The following C9orf40 variants were observed in gnomAD, a reference collection of about 807,000 sequenced individuals.
C9orf40 encodes the protein uncharacterized protein C9orf40.
Under a neutral mutation model 7.9 loss-of-function variants are expected in C9orf40, and 2 were observed. The ratio of observed to expected loss-of-function variants is 0.25; its 90% CI spans 0.10 to 0.80. The LOEUF (loss-of-function observed/expected upper bound fraction) is 0.80. Ranked by LOEUF, C9orf40 falls within the 30% of genes least tolerant of loss-of-function variation. C9orf40 has a pLI of 0.68. For synonymous variants in C9orf40, 113 were observed against 117.6 expected (o/e 0.96, Z 0.25); for missense variants, 256 against 268.5 (o/e 0.95, Z 0.33).
chr9:74,952,777 C>CTG lies in C9orf40; in HGVS notation c.-167_-166insCA. ...TAGGGCGGGGCAGCTCGCGCAGGGC[C>CTG]TAGGGCTGGGGCTCCGGCTCGGAGG... On this transcript the variant is annotated 5_prime_UTR_variant, in exon 1 of 2. Transcript: ENST00000376854. The surrounding 1 kb of genome is among the most constrained non-coding windows in gnomAD (Gnocchi z 5.4). 1 of 584,016 alleles carries CTG rather than the reference C, an allele frequency of 1.7e-6. No individual in the cohort carries two copies. The highest frequency in any genetic ancestry group is 2.8e-6 in the Non-Finnish European group (1 of 351,156). The allele number at this position is 584,016 out of a possible 1,614,324, so 36.2% of individuals were successfully genotyped here.
At position 74,952,498 on chromosome 9, in the gene C9orf40, G is replaced by T; in HGVS notation, c.114C>A (p.Pro38=). 6.3e-7 allele frequency: 1 copy of T among 1,594,664 alleles called. No homozygotes were observed. The highest frequency in any genetic ancestry group is 1.3e-5 in the African/African-American group (1 of 74,430). ...GGAGCTGCCCAGCATGCGCGACCCCGGGCGGCCGGATCCAGAGAGGCGGTG... is the reference window on the plus strand; with the variant it reads ...GGAGCTGCCCAGCATGCGCGACCCCTGGCGGCCGGATCCAGAGAGGCGGTG... ...PPPPPLWIRP[P]GVAHAGQLLG... The change falls in exon 1 of 2, where the codon CCC becomes CCA. Residue 38 remains proline (P), a synonymous_variant. Coordinates refer to ENST00000376854, the MANE Select transcript of C9orf40 (RefSeq NM_017998.3). The surrounding 1 kb of genome is among the most constrained non-coding windows in gnomAD (Gnocchi z 5.4).
In C9orf40 at chr9:74,952,215, G is replaced by C. The variant is rs1587636432; in HGVS notation, c.397C>G (p.Arg133Gly). The stretch of plus-strand genomic sequence containing the variant: ...CGCGATGCGACCCCCCAGTCTCCCC[G>C]CGGGGGTCCTGCGCGCCCCGCCCCG... ...DDGAGRAGPP[R>G]GDWGVASRQH... The change falls in exon 1 of 2, where the codon CGG (arginine) becomes GGG (glycine). Residue 133 changes from arginine to glycine, a missense_variant. By Grantham distance (125) the Arg-to-Gly change is moderately radical. Coordinates refer to ENST00000376854, the MANE Select transcript of C9orf40 (RefSeq NM_017998.3). The surrounding 1 kb of genome is among the most constrained non-coding windows in gnomAD (Gnocchi z 5.4). The C allele has an allele frequency of 1.5e-6, 1 of 657,626 alleles. No individual in the cohort carries two copies. Among genetic ancestry groups the C allele is most frequent in the Non-Finnish European group, 1.7e-6 (1 of 575,054 alleles). 40.7% of individuals were successfully genotyped at this position (657,626 alleles called of 1,614,324 possible). A position where few individuals can be genotyped will look rare whatever the true frequency, so the allele number is the denominator to read the frequency against.
intron 1 of C9orf40, among the ~76,000 whole-genome samples, chr9:74,949,076 C>T (rs996731088): frequency 1.3e-5 from 2 of 152,190 alleles, no homozygotes; most frequent in African/African-American, 4.8e-5. Flanking sequence ...AACTCCACCG[C>T]CCACTAACTC....
At chr9:74,949,050 C>G (rs1832272570) in intron 1 of C9orf40, among the ~76,000 whole-genome samples, 1 of 152,114 alleles carries the variant, frequency 6.6e-6, no homozygotes, top group African/African-American at 2.4e-5. Context: ...ACCAGACAGA[C>G]CTGGGTTTGC....
chr9:74,951,296 TTTTC>T (rs1348214295), intron 1 of C9orf40, among the ~76,000 whole-genome samples: 4 of 149,304 alleles, frequency 2.7e-5, no homozygotes, highest in African/African-American at 9.7e-5. Flanking sequence ...CTTTCTTTTC[TTTTC>T]TTTTTTTTTG....
chr9:74,947,987 C>T lies in C9orf40; in HGVS notation c.*61G>A, dbSNP rs140264373. 5.5e-3 allele frequency: 8,133 copies of T among 1,469,672 alleles called. 32 individuals are homozygous for T. Among genetic ancestry groups the T allele is most frequent in the Non-Finnish European group, 7.0e-3 (7,570 of 1,077,276 alleles). The allele number at this position is 1,469,672 out of a possible 1,614,324, so 91.0% of individuals were successfully genotyped here. A position where few individuals can be genotyped will look rare whatever the true frequency, so the allele number is the denominator to read the frequency against. ...GAAAATAACTTTTCCCTTAAGAATA[C>T]GAGAATTCACTTAGAGACATCTCCT... On this transcript the variant is annotated 3_prime_UTR_variant, in exon 2 of 2. Transcript: ENST00000376854.
intron 1 of C9orf40, among the ~76,000 whole-genome samples, chr9:74,951,619 C>A (rs1483665888): frequency 6.6e-6 from 1 of 152,176 alleles, no homozygotes; most frequent in Non-Finnish European, 1.5e-5. Flanking sequence ...GATACTTTTG[C>A]CTAGGATCAG....
At chr9:74,950,136 G>A (rs1165989169) in intron 1 of C9orf40, among the ~76,000 whole-genome samples, 3 of 152,198 alleles carry the variant, frequency 2.0e-5, no homozygotes, top group Non-Finnish European at 4.4e-5. Context: ...AAACAACAAA[G>A]AGAACAAGGG....
At position 74,947,939 on chromosome 9, in the gene C9orf40, T is replaced by G; in HGVS notation, c.*109A>C. ...AACAATCTTTCTTCATTTCTCAGGT[T>G]TGGAAATATAACTTCAAGTATGGAA... On this transcript the variant is annotated 3_prime_UTR_variant, in exon 2 of 2. Transcript: ENST00000376854. The G allele has an allele frequency of 2.8e-6, 3 of 1,077,568 alleles. No homozygotes were observed. The highest frequency in any genetic ancestry group is 4.1e-6 in the Non-Finnish European group (3 of 739,246). The allele number at this position is 1,077,568 out of a possible 1,614,324, so 66.8% of individuals were successfully genotyped here.
chr9:74,950,408 G>T (rs1832283632), intron 1 of C9orf40, among the ~76,000 whole-genome samples: 1 of 152,180 alleles, frequency 6.6e-6, no homozygotes, highest in African/African-American at 2.4e-5. Flanking sequence ...ACAAGCCTAT[G>T]CATGAGTGGA....
At chr9:74,948,254 ATTAAGTTT>A in intron 1 of C9orf40, 48 bp from the exon 2 acceptor site, 1 of 1,449,590 alleles carries the variant, frequency 6.9e-7, no homozygotes, top group Non-Finnish European at 9.3e-7. Flanking sequence ...CTTAGAAAAA[ATTAAGTTT>A]TTTTCAGAAA....
In C9orf40 at chr9:74,947,488, C is replaced by G. The variant is rs188645878; in HGVS notation, c.*560G>C. 3.3e-5 allele frequency: 5 copies of G among 152,728 alleles called. No individual in the cohort carries two copies. In the East Asian group the frequency reaches 7.7e-4, roughly 24 times the overall value. The allele number at this position is 152,728 out of a possible 1,614,324, so 9.5% of individuals were successfully genotyped here. On this transcript the variant is annotated 3_prime_UTR_variant, in exon 2 of 2. Coordinates refer to ENST00000376854, the MANE Select transcript of C9orf40 (RefSeq NM_017998.3). The stretch of plus-strand genomic sequence containing the variant: ...CATCAAATATTGGAAGCTTTGCAAA[C>G]ACGCTACCCAAATTGAAATTATCAC...
rs372315907 is a variant in C9orf40 at position 74,952,389 on chromosome 9, C to A, written c.223G>T (p.Asp75Tyr). 2 of 1,577,112 alleles carry A rather than the reference C, an allele frequency of 1.3e-6. No individual in the cohort carries two copies. The highest frequency in any genetic ancestry group is 2.8e-5 in the African/African-American group (2 of 72,312). The change falls in exon 1 of 2, where the codon GAC (aspartate) becomes TAC (tyrosine). Residue 75 changes from aspartate (D) to tyrosine (Y), a missense_variant. Asp to Tyr is a radical substitution (Grantham distance 160, BLOSUM62 -3). Coordinates refer to ENST00000376854, the MANE Select transcript of C9orf40 (RefSeq NM_017998.3). The surrounding 1 kb of genome is among the most constrained non-coding windows in gnomAD (Gnocchi z 5.4). ...EPSASPSKRR[D>Y]SGDNSAPSGQ... ...CTCGGGGCGCTGTTGTCCCCGCTGT[C>A]ACGGCGCTTGCTGGGCGAAGCCGAG...
chr9:74,948,465 CCA>C (rs1194380514), intron 1 of C9orf40, among the ~76,000 whole-genome samples: 2 of 152,196 alleles, frequency 1.3e-5, no homozygotes, highest in Non-Finnish European at 2.9e-5. Flanking sequence ...GCATCTCTTT[CCA>C]CAGTTTTTCT....
intron 1 of C9orf40, among the ~76,000 whole-genome samples, chr9:74,951,516 C>G (rs1181497739): frequency 6.6e-6 from 1 of 152,200 alleles, no homozygotes; most frequent in African/African-American, 2.4e-5. Flanking sequence ...GTCTCGAACT[C>G]CCGACCTCAG....
In C9orf40 at chr9:74,950,854, G is replaced by A. The variant is rs73542667; in HGVS notation, c.426+1332C>T. 2.1e-3 allele frequency among the ~76,000 whole-genome samples: 326 copies of A among 152,230 alleles called. 2 individuals are homozygous for A. Among genetic ancestry groups the A allele is most frequent in the African/African-American group, 7.5e-3 (311 of 41,534 alleles). On this transcript the variant is annotated intron_variant, in intron 1 of 1. Transcript: ENST00000376854. ...TGCCATTCAGGATTGTGAAAAAGTA[G>A]TATGAATTCCTAAGTCTAGACCAAA...
At position 74,952,908 on chromosome 9, in the gene C9orf40, A is replaced by C; in HGVS notation, c.-297T>G. On this transcript the variant is annotated 5_prime_UTR_variant, in exon 1 of 2. Transcript: ENST00000376854. The surrounding 1 kb of genome is among the most constrained non-coding windows in gnomAD (Gnocchi z 5.4). ...ACCTGCGCACAACGTGCGCGCGCGC[A>C]CTCTGTCTGGCCAGGCGGAGCCGCT... 2.7e-6 allele frequency: 1 copy of C among 372,694 alleles called. No homozygotes were observed. The highest frequency in any genetic ancestry group is 2.1e-5 in the African/African-American group (1 of 47,446). 23.1% of individuals were successfully genotyped at this position (372,694 alleles called of 1,614,324 possible). A position where few individuals can be genotyped will look rare whatever the true frequency, so the allele number is the denominator to read the frequency against.
intron 1 of C9orf40, 141 bp from the exon 2 acceptor site, chr9:74,948,347 T>A (rs1006512237): frequency 3.0e-5 from 16 of 525,552 alleles, no homozygotes; most frequent in Non-Finnish European, 4.6e-5. Flanking sequence ...AATATACATT[T>A]TAAATTTTGT....
rs140836016 is a variant in C9orf40, at chr9:74,947,491, G to C, written c.*557C>G. ...CAAATATTGGAAGCTTTGCAAACAC[G>C]CTACCCAAATTGAAATTATCACTAC... is the stretch of plus-strand genomic sequence containing the variant. On this transcript the variant is annotated 3_prime_UTR_variant, in exon 2 of 2. Coordinates refer to ENST00000376854, the MANE Select transcript of C9orf40 (RefSeq NM_017998.3). 2.0e-5 allele frequency: 3 copies of C among 152,644 alleles called. No individual in the cohort carries two copies. The highest frequency in any genetic ancestry group is 7.2e-5 in the African/African-American group (3 of 41,536). The allele number at this position is 152,644 out of a possible 1,614,324, so 9.5% of individuals were successfully genotyped here.
Sources: gnomAD v4.1 joint callset for allele counts (sites outside exome capture counted in the v4.1 genomes callset) on GRCh38, gnomAD v4.1.1 for gene constraint, Gnocchi (gnomAD v3.1) non-coding constraint, MANE v1.5 for transcripts, NCBI Gene and HGNC (gene_info 2026-07-23, HGNC 2026-07-21) for gene names.